The following COL4A1 variants were observed in gnomAD, a reference collection of about 807,000 sequenced individuals.
COL4A1 encodes collagen type IV alpha 1 chain, also known as collagen alpha-1(IV) chain.
A neutral mutation model predicts 216.6 loss-of-function variants in COL4A1; 40 were observed. The ratio of observed to expected loss-of-function variants is 0.18; its 90% confidence interval spans 0.14 to 0.24. The LOEUF is 0.24. Ranked by LOEUF, COL4A1 falls within the 10% of genes least tolerant of loss-of-function variation. COL4A1 has a pLI of 1.00. For synonymous variants in COL4A1, 839 were observed against 810.7 expected (o/e 1.03, Z -0.59); for missense variants, 1,628 against 2,196.8 (o/e 0.74, Z 5.18).
rs752913952 is a variant in COL4A1, at chr13:110,179,244, C to T, written c.2344+27G>A. ...AATAAGCACATCCTGTCCTCGAAAC[C>T]CTCCAGACTGATCTGCATGAAGTTA... On this transcript the variant is annotated intron_variant, in intron 30 of 51. Coordinates refer to ENST00000375820, the MANE Select transcript of COL4A1 (RefSeq NM_001845.6). 9 of 1,613,870 alleles carry T rather than the reference C, an allele frequency of 5.6e-6. No individual in the cohort carries two copies. In the Admixed American group the frequency reaches 1.3e-4, roughly 24 times the overall value.
chr13:110,162,554 C>A, intron 47 of COL4A1, 112 bp from the exon 48 acceptor site: 1 of 846,160 alleles, frequency 1.2e-6, no homozygotes, highest in Non-Finnish European at 1.9e-6. Flanking sequence ...CACAAAGTAT[C>A]CTACCTATTC....
chr13:110,260,729 C>T (rs1481023061), intron 1 of COL4A1, among the ~76,000 whole-genome samples: 1 of 152,130 alleles, frequency 6.6e-6, no homozygotes, highest in Admixed American at 6.5e-5. Flanking sequence ...TGACTGTACT[C>T]ACAGCCGGTG....
At chr13:110,249,897 T>G (rs928500548) in intron 1 of COL4A1, among the ~76,000 whole-genome samples, 1 of 152,130 alleles carries the variant, frequency 6.6e-6, no homozygotes, top group African/African-American at 2.4e-5. Context: ...AGTATTGTGG[T>G]TTTAAAGGTA....
chr13:110,158,999 T>G (rs1178830156), intron 49 of COL4A1, among the ~76,000 whole-genome samples: 3 of 152,202 alleles, frequency 2.0e-5, no homozygotes, highest in Non-Finnish European at 4.4e-5. Context: ...TGCCTTGGCC[T>G]CCCAAAGTGC....
intron 50 of COL4A1, 34 bp downstream of exon 50, chr13:110,155,249 T>G (rs1393783249): frequency 5.2e-6 from 8 of 1,534,280 alleles, no homozygotes; most frequent in Non-Finnish European, 7.2e-6. Flanking sequence ...GTGGGGCTCT[T>G]CCCGGGAAAT....
chr13:110,217,790 G>T (rs1352990323), intron 2 of COL4A1, among the ~76,000 whole-genome samples: 1 of 152,156 alleles, frequency 6.6e-6, no homozygotes, highest in African/African-American at 2.4e-5. Context: ...AAAGATGAAA[G>T]AATACAACAT....
chr13:110,176,927 T>G lies in COL4A1; in HGVS notation c.2827A>C (p.Met943Leu), dbSNP rs1877915428. 1 of 1,614,206 alleles carries G rather than the reference T, an allele frequency of 6.2e-7. No individual in the cohort carries two copies. The highest frequency in any genetic ancestry group is 8.5e-7 in the Non-Finnish European group (1 of 1,180,042). Residue 943 changes from methionine (M) to leucine (L), a missense_variant, in exon 34 of 52, where the codon ATG (methionine) becomes CTG (leucine). Physicochemically the swap from Met to Leu is conservative, Grantham distance 15. Coordinates refer to ENST00000375820, the MANE Select transcript of COL4A1 (RefSeq NM_001845.6). Reference sequence around the variant, plus strand: ...CCTTTCTGGCCCTTCATGCTGCCCATGTCCACCTTATCCATGGAGCCAGGC... The same window carrying G: ...CCTTTCTGGCCCTTCATGCTGCCCAGGTCCACCTTATCCATGGAGCCAGGC... ...GKPGSMDKVDMGSMKGQKGDQ... is the reference protein window; with the variant it reads ...GKPGSMDKVDLGSMKGQKGDQ...
At position 110,183,227 on chromosome 13, in the gene COL4A1, T is replaced by A. The variant is rs1354926131; in HGVS notation, c.1947A>T (p.Gly649=). 6.2e-7 allele frequency: 1 copy of A among 1,613,778 alleles called. No individual in the cohort carries two copies. The highest frequency in any genetic ancestry group is 8.5e-7 in the Non-Finnish European group (1 of 1,179,990). ...CTGGGGACCCCGGCAGTCCTTCTGC[T>A]CCAGGGGGGCCTGGTAAAGGAACAA... is the stretch of plus-strand genomic sequence containing the variant. ...GKIVPLPGPP[G]AEGLPGSPGF... The change falls in exon 27 of 52, where the codon GGA becomes GGT. Residue 649 remains glycine (G), a synonymous_variant. Coordinates refer to ENST00000375820, the MANE Select transcript of COL4A1 (RefSeq NM_001845.6).
At chr13:110,204,648 A>ATTTTTTTTTTTTTTT (rs377187830) in intron 17 of COL4A1, among the ~76,000 whole-genome samples, 1 of 142,950 alleles carries the variant, frequency 7.0e-6, no homozygotes. Context: ...TATTTTTTAG[A>ATTTTTTTTTTTTTTT]TTTTTTTTTT....
Position 110,207,599 on chromosome 13 carries a change from A to C in COL4A1, c.694-110T>G, listed in dbSNP as rs1879576466. On this transcript the variant is annotated intron_variant, in intron 12 of 51. Coordinates refer to ENST00000375820, the MANE Select transcript of COL4A1 (RefSeq NM_001845.6). The surrounding 1 kb of genome is among the most constrained non-coding windows in gnomAD (Gnocchi z 4.4). ...AATAAAACACCTATTTTTAAAATGT[A>C]ATTATACTCTATTCTGTTCTAATCA... The C allele has an allele frequency of 1.2e-6, 1 of 819,922 alleles. No individual in the cohort carries two copies. The allele number at this position is 819,922 out of a possible 1,614,324, so 50.8% of individuals were successfully genotyped here.
intron 25 of COL4A1, among the ~76,000 whole-genome samples, 168 bp downstream of exon 25, chr13:110,186,970 A>AG (rs1395924188): frequency 6.6e-6 from 1 of 152,258 alleles, no homozygotes; most frequent in Non-Finnish European, 1.5e-5. Context: ...GGCAATGCCT[A>AG]GGTTTATAGA....
chr13:110,172,823 G>T, intron 40 of COL4A1, 53 bp from the exon 41 acceptor site: 1 of 1,461,320 alleles, frequency 6.8e-7, no homozygotes, highest in Non-Finnish European at 9.6e-7. Flanking sequence ...CAATCCATCT[G>T]CAGGTACAAC....
chr13:110,165,682 G>A (rs34273642), intron 45 of COL4A1, among the ~76,000 whole-genome samples: 3 of 151,882 alleles, frequency 2.0e-5, no homozygotes, highest in Admixed American at 6.6e-5. Context: ...ACATGGTTTG[G>A]AAAATTAAAT....
At chr13:110,259,332 T>G (rs1882709408) in intron 1 of COL4A1, among the ~76,000 whole-genome samples, 1 of 152,188 alleles carries the variant, frequency 6.6e-6, no homozygotes, top group Non-Finnish European at 1.5e-5. Context: ...CACTCTCCAG[T>G]CAGGACATAT....
intron 24 of COL4A1, among the ~76,000 whole-genome samples, chr13:110,190,183 T>G (rs1438547734): frequency 1.3e-5 from 2 of 152,032 alleles, no homozygotes; most frequent in Admixed American, 1.3e-4. Flanking sequence ...AACAGTGACA[T>G]TGGTGACCCT....
chr13:110,199,400 G>C (rs1376332115), intron 20 of COL4A1, among the ~76,000 whole-genome samples: 2 of 152,120 alleles, frequency 1.3e-5, no homozygotes, highest in African/African-American at 2.4e-5. Flanking sequence ...GACCAAAGGG[G>C]CACAGAGCCT....
chr13:110,210,070 C>T, intron 9 of COL4A1, 28 bp from the exon 10 acceptor site: 1 of 1,613,978 alleles, frequency 6.2e-7, no homozygotes, highest in Non-Finnish European at 8.5e-7. Flanking sequence ...GAAATGAGTT[C>T]AGATGCGAAC....
intron 19 of COL4A1, 89 bp downstream of exon 19, chr13:110,201,343 CAGGAGG>C: frequency 1.5e-6 from 1 of 685,386 alleles, no homozygotes; most frequent in Admixed American, 2.8e-5. Flanking sequence ...GGAGGAGGAA[CAGGAGG>C]AGGAGGAGGA....
At chr13:110,180,003 C>T (rs1008887802) in intron 29 of COL4A1, among the ~76,000 whole-genome samples, 2 of 152,158 alleles carry the variant, frequency 1.3e-5, no homozygotes, top group Non-Finnish European at 2.9e-5. Context: ...AGATGTGAGG[C>T]TCCAAAGCAA....
Sources: allele counts gnomAD v4.1 joint callset (sites outside exome capture counted in the v4.1 genomes callset), GRCh38; gene constraint gnomAD v4.1.1; non-coding constraint Gnocchi (gnomAD v3.1); transcripts MANE v1.5; gene names NCBI Gene and HGNC (gene_info 2026-07-23, HGNC 2026-07-21).